Variants in GPC3 observed in about 807,000 individuals in gnomAD.
The protein encoded by GPC3 is glypican-3.
In GPC3, 3 loss-of-function variants were observed where a neutral mutation model predicts 34.4. The ratio of observed to expected loss-of-function variants is 0.09; its 90% CI spans 0.04 to 0.23. The LOEUF (loss-of-function observed/expected upper bound fraction) is 0.23, where lower values mean the gene tolerates loss of function less well. Among genes scored for constraint, GPC3 ranks in the 10% least tolerant of loss-of-function variants. The pLI, the probability that GPC3 is intolerant of heterozygous loss-of-function variation, is 1.00. For missense variants in GPC3, 351 were observed against 445.6 expected, an observed-to-expected ratio of 0.79 and a Z score of 1.91; for synonymous variants, 177 against 174.0, an observed-to-expected ratio of 1.02 and a Z score of -0.13.
chrX:133,754,553 T>C (rs746636846), intron 2 of GPC3, among the ~76,000 whole-genome samples: 2 of 112,643 alleles, frequency 1.8e-5, no homozygotes, highest in Non-Finnish European at 3.7e-5. Flanking sequence ...TAAAAAGAAA[T>C]TGTATTTCAG....
At chrX:133,697,545 T>C (rs1405117538) in intron 4 of GPC3, among the ~76,000 whole-genome samples, 1 of 111,782 alleles carries the variant, frequency 8.9e-6, no homozygotes, top group Non-Finnish European at 1.9e-5. Context: ...CTTCCCCATC[T>C]GTGACACTGC....
At chrX:133,789,765 C>A (rs112678193) in intron 2 of GPC3, among the ~76,000 whole-genome samples, 1 of 112,402 alleles carries the variant, frequency 8.9e-6, no homozygotes, top group Non-Finnish European at 1.9e-5. Flanking sequence ...TATCTATTAT[C>A]AATTTAAACT....
At chrX:133,787,933 A>T (rs985845832) in intron 2 of GPC3, among the ~76,000 whole-genome samples, 7 of 108,621 alleles carry the variant, frequency 6.4e-5, no homozygotes, top group Non-Finnish European at 1.3e-4. Flanking sequence ...AGAAAACTTC[A>T]TTCAATAATA....
chrX:133,562,269 G>C (rs2124291340), intron 7 of GPC3, among the ~76,000 whole-genome samples: 1 of 111,632 alleles, frequency 9.0e-6, no homozygotes, highest in East Asian at 2.8e-4. Context: ...GAGGCAGCCT[G>C]GTCCAGTTCC....
intron 2 of GPC3, among the ~76,000 whole-genome samples, chrX:133,882,467 C>T (rs1484026923): frequency 1.8e-5 from 2 of 111,336 alleles, no homozygotes; most frequent in Admixed American, 9.6e-5. Context: ...GTTCTTTCCC[C>T]CTAAAATGAA....
intron 2 of GPC3, among the ~76,000 whole-genome samples, chrX:133,836,167 C>G (rs1253534478): frequency 1.8e-5 from 2 of 113,396 alleles, no homozygotes; most frequent in East Asian, 5.5e-4. Context: ...GACAATACAG[C>G]CTTTTCTCAT....
chrX:133,775,693 C>G (rs955723692), intron 2 of GPC3, among the ~76,000 whole-genome samples: 1 of 111,569 alleles, frequency 9.0e-6, no homozygotes, highest in African/African-American at 3.3e-5. Flanking sequence ...TGGACATAAA[C>G]AATTCACTAC....
chrX:133,801,105 G>A (rs1470326958), intron 2 of GPC3, among the ~76,000 whole-genome samples: 1 of 111,624 alleles, frequency 9.0e-6, no homozygotes, highest in Admixed American at 9.5e-5. Flanking sequence ...AAAGTTAGTA[G>A]GAAACACAGG....
At chrX:133,771,374 G>A (rs941437768) in intron 2 of GPC3, among the ~76,000 whole-genome samples, 11 of 112,433 alleles carry the variant, frequency 9.8e-5, no homozygotes, top group African/African-American at 3.6e-4. Flanking sequence ...CCCTAATGAG[G>A]TCGTCTGATC....
intron 1 of GPC3, among the ~76,000 whole-genome samples, chrX:133,967,550 C>A (rs917605490): frequency 8.9e-6 from 1 of 112,493 alleles, no homozygotes; most frequent in Non-Finnish European, 1.9e-5. Flanking sequence ...CAGAAAACCA[C>A]CAGCTCTTGA....
At chrX:133,613,401 A>C (rs2070129914) in intron 6 of GPC3, among the ~76,000 whole-genome samples, 1 of 112,045 alleles carries the variant, frequency 8.9e-6, no homozygotes. Context: ...AACATAGTGG[A>C]ATTATGAATG....
At chrX:133,880,189 G>A (rs1384901705) in intron 2 of GPC3, among the ~76,000 whole-genome samples, 1 of 112,286 alleles carries the variant, frequency 8.9e-6, no homozygotes, top group East Asian at 2.8e-4. Flanking sequence ...TCCTCGTGGA[G>A]AAATTAGATA....
chrX:133,734,040 G>A (rs759438702), intron 3 of GPC3, among the ~76,000 whole-genome samples: 40 of 111,668 alleles, frequency 3.6e-4, no homozygotes, highest in Non-Finnish European at 7.0e-4. Context: ...TACATCCCAA[G>A]TCATTCTATG....
At chrX:133,701,151 G>C (rs951465041) in intron 3 of GPC3, among the ~76,000 whole-genome samples, 5 of 110,647 alleles carry the variant, frequency 4.5e-5, no homozygotes, top group African/African-American at 1.6e-4. Flanking sequence ...TTCTTACTTA[G>C]CTCCATTCTA....
At chrX:133,581,218 G>T (rs1460680940) in intron 7 of GPC3, among the ~76,000 whole-genome samples, 3 of 112,313 alleles carry the variant, frequency 2.7e-5, no homozygotes, top group Admixed American at 9.5e-5. Flanking sequence ...CAGGGAATAA[G>T]AAGTTTTGAG....
At position 133,573,145 on chromosome X, in the gene GPC3, GA is replaced by G. The variant is rs764030193; in HGVS notation, c.1573+23294del. Among the ~76,000 whole-genome samples, 32 of 108,421 alleles carry G rather than the reference GA, an allele frequency of 3.0e-4. 1 individual carries two copies. In the South Asian group the frequency reaches 5.1e-3, roughly 17 times the overall value. 94.2% of individuals were successfully genotyped at this position (108,421 alleles called of 115,157 possible). Reference sequence around the variant, plus strand: ...GTATATACCATATTAATAGAATAAAGAAAAAAAAATCCTACATGATTATCTT... The same window carrying G: ...GTATATACCATATTAATAGAATAAAGAAAAAAAATCCTACATGATTATCTT... On this transcript the variant is annotated intron_variant, in intron 7 of 7. Transcript: ENST00000370818.
At chrX:133,857,120 C>T (rs749751930) in intron 2 of GPC3, among the ~76,000 whole-genome samples, 2 of 111,303 alleles carry the variant, frequency 1.8e-5, no homozygotes, top group African/African-American at 6.5e-5. Context: ...TCTCTACAGA[C>T]GACTCCCAAA....
At chrX:133,631,166 T>C (rs1442214714) in intron 6 of GPC3, among the ~76,000 whole-genome samples, 3 of 111,921 alleles carry the variant, frequency 2.7e-5, no homozygotes, top group Non-Finnish European at 3.8e-5. Context: ...TTCAGTAGTG[T>C]TAAATATATT....
At chrX:133,950,054 T>C (rs941149881) in intron 2 of GPC3, among the ~76,000 whole-genome samples, 1 of 111,899 alleles carries the variant, frequency 8.9e-6, no homozygotes, top group Non-Finnish European at 1.9e-5. Context: ...ATCATAACTA[T>C]TATAAGGTAG....
Sources: gnomAD v4.1 joint callset for allele counts (sites outside exome capture counted in the v4.1 genomes callset) on GRCh38, gnomAD v4.1.1 for gene constraint, MANE v1.5 for transcripts, NCBI Gene and HGNC (gene_info 2026-07-23, HGNC 2026-07-21) for gene names.